The following NUMB variants were observed in gnomAD, a reference collection of about 807,000 sequenced individuals.
The protein encoded by NUMB is protein numb homolog.
NUMB carries 29 observed loss-of-function variants against 59.7 expected under a neutral mutation model. The observed-to-expected ratio is 0.49, with a 90% CI of 0.36 to 0.66. NUMB has a LOEUF of 0.66. Ranked by LOEUF, NUMB falls within the 30% of genes least tolerant of loss-of-function variation. The probability of loss-of-function intolerance (pLI) is 0.00; values close to 1 mark genes in which losing one functional copy is unlikely to be tolerated. For synonymous variants in NUMB, 288 were observed against 288.2 expected, an observed-to-expected ratio of 1.00 and a Z score of 0.01; for missense variants, 723 against 822.0, an observed-to-expected ratio of 0.88 and a Z score of 1.47.
At chr14:73,433,419 C>G (rs889626425) in intron 1 of NUMB, among the ~76,000 whole-genome samples, 3 of 152,016 alleles carry the variant, frequency 2.0e-5, no homozygotes, top group African/African-American at 7.2e-5. Flanking sequence ...CAGACTCCAT[C>G]TCAAAAAAAA....
chr14:73,277,698 G>C (rs1193143730), intron 12 of NUMB, among the ~76,000 whole-genome samples: 1 of 151,892 alleles, frequency 6.6e-6, no homozygotes, highest in Admixed American at 6.6e-5. Flanking sequence ...AGAGCTGGAG[G>C]CTGCAGTGAG....
chr14:73,296,058 A>T (rs1275665998), intron 7 of NUMB, among the ~76,000 whole-genome samples: 1 of 151,296 alleles, frequency 6.6e-6, no homozygotes, highest in Non-Finnish European at 1.5e-5. Flanking sequence ...TGTGGAGTCC[A>T]TCTTTTTTTA....
At chr14:73,429,266 G>A (rs528565259) in intron 1 of NUMB, among the ~76,000 whole-genome samples, 2 of 152,192 alleles carry the variant, frequency 1.3e-5, no homozygotes, top group Admixed American at 1.3e-4. Context: ...CAGCTACTCG[G>A]GAGGCTGAGG....
intron 2 of NUMB, among the ~76,000 whole-genome samples, chr14:73,371,709 ACTCCCTC>A (rs1048361741): frequency 1.1e-4 from 17 of 151,664 alleles, no homozygotes; most frequent in Admixed American, 2.6e-4. Context: ...CAGGAGGGCT[ACTCCCTC>A]CTGAATGGGA....
Position 73,297,115 on chromosome 14 carries a change from C to T in NUMB, c.309+96G>A, listed in dbSNP as rs182547946. On this transcript the variant is annotated intron_variant, in intron 7 of 12. Transcript: ENST00000555238. ...CTGGGAGGTGGAGGTTGCGGTGGGC[C>T]GAGATCGTGCCATTGCACTCCAGCC... 4.0e-4 allele frequency: 308 copies of T among 761,844 alleles called. 4 individuals are homozygous for T. In the African/African-American group the frequency reaches 4.8e-3, roughly 12 times the overall value. 47.2% of individuals were successfully genotyped at this position (761,844 alleles called of 1,614,324 possible).
At position 73,275,478 on chromosome 14, in the gene NUMB, T is replaced by A. The variant is rs906312983; in HGVS notation, c.*1100A>T. 1 of 152,232 alleles carries A rather than the reference T, an allele frequency of 6.6e-6. No individual in the cohort carries two copies. Among genetic ancestry groups the A allele is most frequent in the Admixed American group, 6.6e-5 (1 of 15,266 alleles). The allele number at this position is 152,232 out of a possible 1,614,324, so 9.4% of individuals were successfully genotyped here. A position where few individuals can be genotyped will look rare whatever the true frequency, so the allele number is the denominator to read the frequency against. ...ACTCATGGGAACAAAATTTAAAGGA[T>A]AAAACAAAACCCACCAAGACCCATA... On this transcript the variant is annotated 3_prime_UTR_variant, in exon 13 of 13. Coordinates refer to ENST00000555238, the MANE Select transcript of NUMB (RefSeq NM_001005743.2).
chr14:73,303,236 G>C (rs1189971697), intron 6 of NUMB, among the ~76,000 whole-genome samples: 1 of 149,956 alleles, frequency 6.7e-6, no homozygotes, highest in Non-Finnish European at 1.5e-5. Context: ...AAGAAACAAA[G>C]AAAAAAAAGA....
chr14:73,338,597 T>C (rs1260914772), intron 4 of NUMB, among the ~76,000 whole-genome samples: 1 of 152,226 alleles, frequency 6.6e-6, no homozygotes. Flanking sequence ...AACTCTCCAA[T>C]AGCTTCCTAA....
chr14:73,374,701 C>T (rs1312510935), intron 2 of NUMB, among the ~76,000 whole-genome samples: 2 of 150,972 alleles, frequency 1.3e-5, no homozygotes, highest in Admixed American at 6.7e-5. Flanking sequence ...TTTTTTTTAG[C>T]CCTTTAAGTT....
intron 3 of NUMB, chr14:73,356,862 TTTC>T (rs1213483260): frequency 3.7e-5 from 6 of 162,042 alleles, no homozygotes; most frequent in African/African-American, 1.2e-4. Flanking sequence ...ACCTGGCTTT[TTTC>T]TTTTTTCTTT....
In NUMB at chr14:73,287,250, C is replaced by A; in HGVS notation, c.515G>T (p.Arg172Leu). Residue 172 changes from arginine (R) to leucine (L), a missense_variant, in exon 9 of 13, where the codon CGG (arginine) becomes CTG (leucine). Transcript: ENST00000555238. Reference sequence around the variant, plus strand: ...AGCAGTCACTCCACATTCCTTCTCCCGCTTCTGCTTGCGCTCTAAACAGGC... The same window carrying A: ...AGCAGTCACTCCACATTCCTTCTCCAGCTTCTGCTTGCGCTCTAAACAGGC... ...FAACLERKQK[R>L]EKECGVTATF... The A allele has an allele frequency of 1.2e-6, 2 of 1,613,738 alleles. No individual in the cohort carries two copies. The highest frequency in any genetic ancestry group is 1.7e-6 in the Non-Finnish European group (2 of 1,179,974).
chr14:73,317,568 C>G (rs1266090117), intron 5 of NUMB, among the ~76,000 whole-genome samples: 1 of 152,222 alleles, frequency 6.6e-6, no homozygotes, highest in Non-Finnish European at 1.5e-5. Context: ...TCCTAAAGTG[C>G]TGGAATTACA....
intron 4 of NUMB, among the ~76,000 whole-genome samples, chr14:73,343,739 T>C (rs1158017925): frequency 9.0e-6 from 1 of 110,560 alleles, no homozygotes; most frequent in African/African-American, 3.6e-5. Flanking sequence ...TGTTTGTTAA[T>C]ATTTTATCAA....
intron 4 of NUMB, among the ~76,000 whole-genome samples, chr14:73,330,847 G>A (rs1388770637): frequency 6.6e-6 from 1 of 152,150 alleles, no homozygotes; most frequent in Non-Finnish European, 1.5e-5. Context: ...AATTATGGAG[G>A]ATAAGAAGTC....
chr14:73,328,321 T>C (rs958822854), intron 4 of NUMB, among the ~76,000 whole-genome samples: 1 of 152,096 alleles, frequency 6.6e-6, no homozygotes, highest in Non-Finnish European at 1.5e-5. Flanking sequence ...GTATGTTCTC[T>C]TTTACCACAG....
intron 4 of NUMB, among the ~76,000 whole-genome samples, chr14:73,347,542 A>G (rs1009231859): frequency 1.1e-4 from 16 of 152,226 alleles, no homozygotes; most frequent in African/African-American, 3.1e-4. Context: ...TCACTCCTCA[A>G]TCTGGATTCT....
At chr14:73,367,851 C>T (rs940639163) in intron 2 of NUMB, among the ~76,000 whole-genome samples, 3 of 149,434 alleles carry the variant, frequency 2.0e-5, no homozygotes, top group African/African-American at 7.4e-5. Flanking sequence ...CAGAAAGAGA[C>T]AGACATATTG....
chr14:73,281,850 G>A, intron 11 of NUMB, among the ~76,000 whole-genome samples: 1 of 152,110 alleles, frequency 6.6e-6, no homozygotes, highest in Non-Finnish European at 1.5e-5. Flanking sequence ...TTTGTTGTGG[G>A]TGCTGTCGTC....
At chr14:73,399,962 G>C (rs12100636) in intron 2 of NUMB, among the ~76,000 whole-genome samples, 49,468 of 151,286 alleles carry the variant, frequency 0.33, 9,351 homozygotes, top group African/African-American at 0.52. Flanking sequence ...TCGTTTGAAC[G>C]CAGGAGATGG....
Sources: gnomAD v4.1 joint callset for allele counts (sites outside exome capture counted in the v4.1 genomes callset) on GRCh38, gnomAD v4.1.1 for gene constraint, MANE v1.5 for transcripts, NCBI Gene and HGNC (gene_info 2026-07-23, HGNC 2026-07-21) for gene names.